CPLX4: variants seen among roughly 807,000 people sequenced by gnomAD.
CPLX4 encodes the protein complexin 4.
In CPLX4, 17 loss-of-function variants were observed where a neutral mutation model predicts 16.1. That is an observed-to-expected ratio of 1.06 (90% CI 0.72 to 1.59). The LOEUF is 1.59. Ranked by LOEUF, CPLX4 falls within the 40% of genes most tolerant of loss-of-function variation. The pLI is 0.00. For missense variants in CPLX4, 193 were observed against 192.9 expected (o/e 1.00, Z 0.00); for synonymous variants, 55 against 57.8 (o/e 0.95, Z 0.22).
intron 1 of CPLX4, among the ~76,000 whole-genome samples, chr18:59,313,385 G>C (rs980191526): frequency 2.0e-5 from 3 of 152,158 alleles, no homozygotes; most frequent in Non-Finnish European, 4.4e-5. Flanking sequence ...ACAAGGCAGG[G>C]TATGTTTCCA....
At chr18:59,313,833 T>G (rs1254931912) in intron 1 of CPLX4, among the ~76,000 whole-genome samples, 1 of 150,394 alleles carries the variant, frequency 6.6e-6, no homozygotes, top group Non-Finnish European at 1.5e-5. Flanking sequence ...GCTCGTGGCC[T>G]CTCAACAGCC....
chr18:59,309,085 G>A (rs1238507150), intron 2 of CPLX4, among the ~76,000 whole-genome samples: 1 of 152,240 alleles, frequency 6.6e-6, no homozygotes, highest in Admixed American at 6.5e-5. Context: ...GAGCAGGGCA[G>A]TCTGCCCAGA....
At chr18:59,314,473 G>A (rs1263949624) in intron 1 of CPLX4, among the ~76,000 whole-genome samples, 1 of 152,006 alleles carries the variant, frequency 6.6e-6, no homozygotes, top group African/African-American at 2.4e-5. Context: ...TAACTAGCGT[G>A]ACATGTTTGT....
intron 1 of CPLX4, among the ~76,000 whole-genome samples, chr18:59,314,987 T>A (rs2070642754): frequency 6.6e-6 from 1 of 152,208 alleles, no homozygotes; most frequent in African/African-American, 2.4e-5. Flanking sequence ...TGTTCTAGAT[T>A]TTTTTGTGGA....
chr18:59,318,638 C>A lies in CPLX4; in HGVS notation c.-176G>T. 8.3e-7 allele frequency: 1 copy of A among 1,207,246 alleles called. No homozygotes were observed. Among genetic ancestry groups the A allele is most frequent in the Admixed American group, 2.9e-5 (1 of 33,930 alleles). 74.8% of individuals were successfully genotyped at this position (1,207,246 alleles called of 1,614,324 possible). ...ATACTGATAGAGAAGAGTGGTTTGT[C>A]GGCCGTAAGCTGGATTAAAGTGGTG... On this transcript the variant is annotated 5_prime_UTR_variant, in exon 1 of 3. Coordinates refer to ENST00000299721, the MANE Select transcript of CPLX4 (RefSeq NM_181654.4).
intron 2 of CPLX4, among the ~76,000 whole-genome samples, chr18:59,301,528 G>T (rs1463228139): frequency 1.3e-5 from 2 of 152,176 alleles, no homozygotes; most frequent in African/African-American, 4.8e-5. Flanking sequence ...TGCAGCCTGT[G>T]CCATGGACAT....
intron 2 of CPLX4, among the ~76,000 whole-genome samples, chr18:59,305,587 A>G (rs2070571358): frequency 6.6e-6 from 1 of 152,138 alleles, no homozygotes; most frequent in Non-Finnish European, 1.5e-5. Context: ...GCTTGTCGGG[A>G]GAGCCACCCA....
chr18:59,307,317 A>G (rs1420202889), intron 2 of CPLX4, among the ~76,000 whole-genome samples: 4 of 152,128 alleles, frequency 2.6e-5, no homozygotes, highest in Non-Finnish European at 5.9e-5. Flanking sequence ...GAGAAACAGC[A>G]CTCAGACACT....
intron 2 of CPLX4, among the ~76,000 whole-genome samples, chr18:59,306,742 C>A (rs1259705318): frequency 6.6e-6 from 1 of 152,198 alleles, no homozygotes; most frequent in African/African-American, 2.4e-5. Context: ...GACATTTTCT[C>A]AAATCTGCTC....
chr18:59,298,290 G>T (rs1318260186), intron 2 of CPLX4, among the ~76,000 whole-genome samples: 2 of 152,068 alleles, frequency 1.3e-5, no homozygotes, highest in African/African-American at 4.8e-5. Flanking sequence ...AGAGTCTCTT[G>T]TTCTGTAATG....
intron 1 of CPLX4, among the ~76,000 whole-genome samples, chr18:59,317,472 A>T (rs2070658476): frequency 1.3e-5 from 2 of 152,080 alleles, no homozygotes; most frequent in African/African-American, 4.8e-5. Context: ...ATTCTATAAT[A>T]CCCAATTAAA....
intron 2 of CPLX4, among the ~76,000 whole-genome samples, chr18:59,309,031 AT>A (rs2070597903): frequency 6.6e-6 from 1 of 152,210 alleles, no homozygotes; most frequent in South Asian, 2.1e-4. Context: ...GATCCAGCTG[AT>A]TTTTTAAACT....
At position 59,306,261 on chromosome 18, in the gene CPLX4, G is replaced by A. The variant is rs989447648; in HGVS notation, c.255+6424C>T. Among the ~76,000 whole-genome samples the A allele has an allele frequency of 3.3e-5, 5 of 152,166 alleles. No homozygotes were observed. In the East Asian group the frequency reaches 9.6e-4, roughly 29 times the overall value. On this transcript the variant is annotated intron_variant, in intron 2 of 2. Coordinates refer to ENST00000299721, the MANE Select transcript of CPLX4 (RefSeq NM_181654.4). ...TAGTGGTGTGCGATCCAAATCTAAC[G>A]TGAGCATCATGGATGACTTTAGGCA...
intron 2 of CPLX4, among the ~76,000 whole-genome samples, chr18:59,305,148 G>A (rs565532279): frequency 1.3e-5 from 2 of 152,210 alleles, no homozygotes; most frequent in South Asian, 2.1e-4. Flanking sequence ...ACTAGGTAGA[G>A]GGAGGGAGAT....
At chr18:59,306,034 G>C (rs964557900) in intron 2 of CPLX4, among the ~76,000 whole-genome samples, 9 of 152,128 alleles carry the variant, frequency 5.9e-5, no homozygotes, top group Non-Finnish European at 4.4e-5. Flanking sequence ...ACCACTTACT[G>C]TATTTAGACA....
rs1454955152 is a variant in CPLX4, at chr18:59,296,406, T to C, written c.*292A>G. ...AATGCCCCTTGCTTTTGTTTCTTCC[T>C]GGCTCATCTCAAGGTCTTTAAGCAG... On this transcript the variant is annotated 3_prime_UTR_variant, in exon 3 of 3. Coordinates refer to ENST00000299721, the MANE Select transcript of CPLX4 (RefSeq NM_181654.4). 10 of 399,900 alleles carry C rather than the reference T, an allele frequency of 2.5e-5. No homozygotes were observed. Among genetic ancestry groups the C allele is most frequent in the Non-Finnish European group, 8.9e-6 (2 of 224,600 alleles). The allele number at this position is 399,900 out of a possible 1,614,324, so 24.8% of individuals were successfully genotyped here. A position where few individuals can be genotyped will look rare whatever the true frequency, so the allele number is the denominator to read the frequency against.
intron 2 of CPLX4, among the ~76,000 whole-genome samples, chr18:59,298,752 G>A (rs969886627): frequency 2.6e-5 from 4 of 152,086 alleles, no homozygotes; most frequent in African/African-American, 9.7e-5. Flanking sequence ...TTCTTCATCT[G>A]GAAAGTGGGT....
chr18:59,311,919 G>A (rs961186884), intron 2 of CPLX4, among the ~76,000 whole-genome samples: 4 of 152,198 alleles, frequency 2.6e-5, no homozygotes, highest in African/African-American at 9.6e-5. Flanking sequence ...ATAAGATGGT[G>A]CTAGGTGATG....
chr18:59,296,665 T>A lies in CPLX4; in HGVS notation c.*33A>T, dbSNP rs1229991718. On this transcript the variant is annotated 3_prime_UTR_variant, in exon 3 of 3. Transcript: ENST00000299721. ...ACAAGAGAGTGGTCTTTTCCAAGGA[T>A]GGCTGGTTCCCTCCCTCCACCCCTC... is the stretch of plus-strand genomic sequence containing the variant. The A allele has an allele frequency of 6.2e-7, 1 of 1,606,618 alleles. No individual in the cohort carries two copies. The highest frequency in any genetic ancestry group is 1.3e-5 in the African/African-American group (1 of 74,634).
Sources: gnomAD v4.1 joint callset for allele counts (sites outside exome capture counted in the v4.1 genomes callset) on GRCh38, gnomAD v4.1.1 for gene constraint, MANE v1.5 for transcripts, NCBI Gene and HGNC (gene_info 2026-07-23, HGNC 2026-07-21) for gene names.